Variants in ANKRD33B observed in about 807,000 individuals in gnomAD.
ANKRD33B encodes the protein ankyrin repeat domain-containing protein 33B.
ANKRD33B carries 6 observed loss-of-function variants against 21.5 expected under a neutral mutation model. The observed-to-expected ratio is 0.28, with a 90% CI of 0.15 to 0.55. The LOEUF is 0.55. Ranked by LOEUF, ANKRD33B falls within the 20% of genes least tolerant of loss-of-function variation. ANKRD33B has a pLI of 0.94. For missense variants in ANKRD33B, 698 were observed against 747.2 expected (o/e 0.93, Z 0.77); for synonymous variants, 347 against 342.4 (o/e 1.01, Z -0.15).
At chr5:10,635,752 C>G (rs1325148124) in intron 2 of ANKRD33B, among the ~76,000 whole-genome samples, 3 of 152,198 alleles carry the variant, frequency 2.0e-5, no homozygotes, top group Non-Finnish European at 4.4e-5. Context: ...CTGGAGTGGC[C>G]CTCAAAGGAG....
At chr5:10,600,007 T>G (rs1579726046) in intron 1 of ANKRD33B, among the ~76,000 whole-genome samples, 3 of 152,350 alleles carry the variant, frequency 2.0e-5, no homozygotes, top group South Asian at 4.1e-4. Context: ...TGTTATTTTT[T>G]TATATAGGTG....
chr5:10,610,811 G>T (rs752472425), intron 1 of ANKRD33B, among the ~76,000 whole-genome samples: 1 of 152,212 alleles, frequency 6.6e-6, no homozygotes, highest in Non-Finnish European at 1.5e-5. Flanking sequence ...TTGGGAGGCC[G>T]AGGTGGGTGG....
chr5:10,649,987 G>C lies in ANKRD33B; in HGVS notation c.1359G>C (p.Leu453=). ...GCAGCACCAAGGACAGCGGCCACCT[G>C]CAGATCCCCAAGTGGCGGTACAAGG... The part of the protein sequence containing the change: ...RKGSTKDSGH[L]QIPKWRYKEA... The change falls in exon 4 of 4, where the codon CTG becomes CTC. Residue 453 remains leucine, a synonymous_variant. Transcript: ENST00000296657. The C allele has an allele frequency of 6.5e-7, 1 of 1,533,562 alleles. No individual in the cohort carries two copies. The highest frequency in any genetic ancestry group is 8.7e-7 in the Non-Finnish European group (1 of 1,144,880). 95.0% of individuals were successfully genotyped at this position (1,533,562 alleles called of 1,614,324 possible).
At chr5:10,599,816 A>G (rs539448712) in intron 1 of ANKRD33B, among the ~76,000 whole-genome samples, 5 of 152,146 alleles carry the variant, frequency 3.3e-5, no homozygotes, top group Non-Finnish European at 7.4e-5. Flanking sequence ...CTTTGTTTCA[A>G]CCTCTGCTTT....
intron 1 of ANKRD33B, among the ~76,000 whole-genome samples, chr5:10,600,902 A>G (rs2126568220): frequency 6.6e-6 from 1 of 152,176 alleles, no homozygotes; most frequent in East Asian, 1.9e-4. Flanking sequence ...CCCTGTGACT[A>G]ACGATATCGA....
At chr5:10,641,434 G>A (rs1394782188) in intron 3 of ANKRD33B, among the ~76,000 whole-genome samples, 1 of 151,774 alleles carries the variant, frequency 6.6e-6, no homozygotes, top group Non-Finnish European at 1.5e-5. Flanking sequence ...TCACCATGTT[G>A]GCCAGGTTGG....
At position 10,610,268 on chromosome 5, in the gene ANKRD33B, C is replaced by T. The variant is rs74731774; in HGVS notation, c.367-8065C>T. ...CTTGTCCACTTAGAGCACTGGTTCTCTCCTGGGGCAATTTTGCCTCCCAGG... is the reference window on the plus strand; with the variant it reads ...CTTGTCCACTTAGAGCACTGGTTCTTTCCTGGGGCAATTTTGCCTCCCAGG... On this transcript the variant is annotated intron_variant, in intron 1 of 3. Transcript: ENST00000296657. 1.6e-4 allele frequency among the ~76,000 whole-genome samples: 25 copies of T among 152,330 alleles called. No individual in the cohort carries two copies. In the East Asian group the frequency reaches 4.6e-3, roughly 28 times the overall value.
chr5:10,593,003 C>T (rs574571408), intron 1 of ANKRD33B, among the ~76,000 whole-genome samples: 2 of 152,286 alleles, frequency 1.3e-5, no homozygotes, highest in South Asian at 2.1e-4. Context: ...TTCCTGACTT[C>T]TCCTCTGTTA....
chr5:10,564,694 C>G lies in ANKRD33B; in HGVS notation c.227C>G (p.Pro76Arg), dbSNP rs1277222065. 10 of 1,533,748 alleles carry G rather than the reference C, an allele frequency of 6.5e-6. No individual in the cohort carries two copies. The highest frequency in any genetic ancestry group is 1.4e-5 in the African/African-American group (1 of 73,072). ...GGCGTCGAGAGCGCGGAGAGCGTCCCGGAGGGCGTCCCGGAAAGCGTCCCG... is the reference window on the plus strand; with the variant it reads ...GGCGTCGAGAGCGCGGAGAGCGTCCGGGAGGGCGTCCCGGAAAGCGTCCCG... ...EHGVESAESV[P>R]EGVPESVPET... The change falls in exon 1 of 4, where the codon CCG (proline) becomes CGG (arginine). Residue 76 changes from proline to arginine, a missense_variant. This residue lies in a region of ANKRD33B where 148 missense variants were observed against 154.9 expected (regional missense o/e 0.96). Transcript: ENST00000296657.
In ANKRD33B at chr5:10,629,782, C is replaced by T. The variant is rs111618946; in HGVS notation, c.497-8246C>T. On this transcript the variant is annotated intron_variant, in intron 2 of 3. Coordinates refer to ENST00000296657, the MANE Select transcript of ANKRD33B (RefSeq NM_001164440.2). ...ACAGGAGCTCAGAATGTTGAGAGGGCGGAAAATCAGAAGGGTGAGCATCTG... is the reference window on the plus strand; with the variant it reads ...ACAGGAGCTCAGAATGTTGAGAGGGTGGAAAATCAGAAGGGTGAGCATCTG... Among the ~76,000 whole-genome samples, 493 of 151,956 alleles carry T rather than the reference C, an allele frequency of 3.2e-3. 4 individuals are homozygous for T. Among genetic ancestry groups the T allele is most frequent in the African/African-American group, 0.011 (464 of 41,418 alleles).
At chr5:10,569,592 GT>G in intron 1 of ANKRD33B, among the ~76,000 whole-genome samples, 2 of 91,970 alleles carry the variant, frequency 2.2e-5, no homozygotes, top group Middle Eastern at 4.5e-3. Context: ...CAAGACCCGT[GT>G]TTGAAAATAA....
At chr5:10,638,217 G>T in intron 3 of ANKRD33B, 49 bp downstream of exon 3, 1 of 1,521,498 alleles carries the variant, frequency 6.6e-7, no homozygotes. Context: ...GGACACCAGA[G>T]TTGCTCCTTT....
chr5:10,580,551 T>C (rs1444008188), intron 1 of ANKRD33B, among the ~76,000 whole-genome samples: 1 of 152,220 alleles, frequency 6.6e-6, no homozygotes, highest in Non-Finnish European at 1.5e-5. Context: ...CCTGCTTTCT[T>C]TTCTGAAGAG....
At chr5:10,618,278 G>A (rs947975586) in intron 1 of ANKRD33B, 55 bp from the exon 2 acceptor site, 2 of 1,534,842 alleles carry the variant, frequency 1.3e-6, no homozygotes, top group African/African-American at 2.7e-5. Flanking sequence ...CCCCAGTGCT[G>A]ACCCACCATG....
At chr5:10,581,893 TTAAAA>T (rs1439347415) in intron 1 of ANKRD33B, among the ~76,000 whole-genome samples, 2 of 152,222 alleles carry the variant, frequency 1.3e-5, no homozygotes, top group South Asian at 2.1e-4. Context: ...AGCCAGTTTC[TTAAAA>T]TAAATCTCTT....
At chr5:10,644,586 C>A (rs1228987385) in intron 3 of ANKRD33B, among the ~76,000 whole-genome samples, 1 of 152,202 alleles carries the variant, frequency 6.6e-6, no homozygotes, top group Non-Finnish European at 1.5e-5. Flanking sequence ...CGGCGAGGAA[C>A]AGAGATCAGA....
intron 1 of ANKRD33B, among the ~76,000 whole-genome samples, chr5:10,584,777 A>G (rs1433216746): frequency 6.6e-6 from 1 of 152,208 alleles, no homozygotes; most frequent in East Asian, 1.9e-4. Flanking sequence ...AAACAATAAC[A>G]AGCTCAAATA....
Position 10,564,566 on chromosome 5 carries a change from C to A in ANKRD33B, c.99C>A (p.Asp33Glu). 1.3e-6 allele frequency: 2 copies of A among 1,534,234 alleles called. No homozygotes were observed. Among genetic ancestry groups the A allele is most frequent in the Non-Finnish European group, 1.7e-6 (2 of 1,146,488 alleles). ...SPPRGAQVEEDPADYEEFEDF... is the reference protein window; with the variant it reads ...SPPRGAQVEEEPADYEEFEDF... ...CCCGGGGCGCGCAGGTCGAGGAGGA[C>A]CCCGCTGACTACGAAGAGTTTGAGG... The change falls in exon 1 of 4, where the codon GAC becomes GAA. Residue 33 changes from aspartate to glutamate, a missense_variant. Asp to Glu is a conservative substitution (Grantham distance 45). Around this residue, in one of 3 missense-constraint regions of ANKRD33B, gnomAD observed 148 missense variants for 154.9 expected, o/e 0.96. Transcript: ENST00000296657.
chr5:10,575,980 C>T (rs957671673), intron 1 of ANKRD33B, among the ~76,000 whole-genome samples: 3 of 149,160 alleles, frequency 2.0e-5, no homozygotes, highest in Non-Finnish European at 3.0e-5. Context: ...TGGACGTATA[C>T]ACACACACAC....
Sources: allele counts gnomAD v4.1 joint callset (sites outside exome capture counted in the v4.1 genomes callset), GRCh38; gene constraint gnomAD v4.1.1; regional missense constraint gnomAD v4.1.1; transcripts MANE v1.5; gene names NCBI Gene and HGNC (gene_info 2026-07-23, HGNC 2026-07-21).